Variants in LRRC4C observed in about 807,000 individuals in gnomAD.
The protein encoded by LRRC4C is leucine rich repeat containing 4C.
A neutral mutation model predicts 33.6 loss-of-function variants in LRRC4C; 5 were observed. That is an observed-to-expected ratio of 0.15 (90% CI 0.08 to 0.31). The LOEUF (loss-of-function observed/expected upper bound fraction) is 0.31, where lower values mean the gene tolerates loss of function less well. LRRC4C is among the 10% of genes least tolerant of loss of function. The pLI, the probability that LRRC4C is intolerant of heterozygous loss-of-function variation, is 1.00. For missense variants in LRRC4C, 560 were observed against 796.7 expected, an observed-to-expected ratio of 0.70 and a Z score of 3.58; for synonymous variants, 329 against 302.0, an observed-to-expected ratio of 1.09 and a Z score of -0.93.
chr11:40,818,775 T>C (rs1452692311), intron 2 of LRRC4C, among the ~76,000 whole-genome samples: 1 of 152,042 alleles, frequency 6.6e-6, no homozygotes, highest in Non-Finnish European at 1.5e-5. Flanking sequence ...ACATACTAAA[T>C]TAAGGAATCA....
chr11:41,155,250 T>G (rs1441502686), intron 1 of LRRC4C, among the ~76,000 whole-genome samples: 1 of 152,086 alleles, frequency 6.6e-6, no homozygotes, highest in Non-Finnish European at 1.5e-5. Flanking sequence ...TCAGGAGCAG[T>G]CATAGCCCCA....
intron 1 of LRRC4C, among the ~76,000 whole-genome samples, chr11:41,120,308 A>T (rs189457749): frequency 5.9e-5 from 9 of 152,248 alleles, no homozygotes; most frequent in Admixed American, 1.3e-4. Flanking sequence ...ACAAATATCT[A>T]TTGAGTTCCA....
chr11:40,470,144 A>G (rs561103174), intron 3 of LRRC4C, among the ~76,000 whole-genome samples: 1 of 152,174 alleles, frequency 6.6e-6, no homozygotes, highest in East Asian at 1.9e-4. Context: ...ACTGGTTGGC[A>G]TCTGGTGGGT....
chr11:41,059,345 A>T (rs918584880), intron 1 of LRRC4C, among the ~76,000 whole-genome samples: 4 of 151,934 alleles, frequency 2.6e-5, no homozygotes, highest in Non-Finnish European at 4.4e-5. Flanking sequence ...AAAGATAAAC[A>T]CAGAGAAACT....
chr11:40,337,839 C>G (rs1946697409), intron 3 of LRRC4C, among the ~76,000 whole-genome samples: 2 of 152,270 alleles, frequency 1.3e-5, no homozygotes, highest in African/African-American at 4.8e-5. Flanking sequence ...TTCCCCTTCT[C>G]CACCCTCTGA....
In LRRC4C at chr11:41,306,488, A is replaced by C. The variant is rs556846814; in HGVS notation, c.-496+152943T>G. Among the ~76,000 whole-genome samples, 3 of 152,364 alleles carry C rather than the reference A, an allele frequency of 2.0e-5. No individual in the cohort carries two copies. In the South Asian group the frequency reaches 6.2e-4, roughly 32 times the overall value. On this transcript the variant is annotated intron_variant, in intron 1 of 6. Coordinates refer to ENST00000528697, the MANE Select transcript of LRRC4C (RefSeq NM_001258419.2). ...TGTAAAGAGTGGCAGTCTGTGAATT[A>C]GTCATTCTTTCCCTCAAGAAATACA...
chr11:40,916,836 A>G (rs1046190974), intron 2 of LRRC4C, among the ~76,000 whole-genome samples: 1 of 152,074 alleles, frequency 6.6e-6, no homozygotes, highest in African/African-American at 2.4e-5. Flanking sequence ...GTTTATATTT[A>G]TGGATTTACA....
intron 3 of LRRC4C, among the ~76,000 whole-genome samples, chr11:40,444,156 TGAA>T (rs1951520099): frequency 1.3e-5 from 2 of 152,042 alleles, no homozygotes; most frequent in African/African-American, 4.8e-5. Context: ...TCTGTCCACA[TGAA>T]GAAGTAGTAC....
intron 4 of LRRC4C, among the ~76,000 whole-genome samples, chr11:40,263,039 T>C (rs911386893): frequency 2.6e-5 from 4 of 151,854 alleles, no homozygotes; most frequent in Non-Finnish European, 5.9e-5. Flanking sequence ...ATATACTCAA[T>C]AGATTTAGCT....
At chr11:40,463,338 G>GTT (rs1169094888) in intron 3 of LRRC4C, among the ~76,000 whole-genome samples, 1 of 150,846 alleles carries the variant, frequency 6.6e-6, no homozygotes, top group Non-Finnish European at 1.5e-5. Context: ...GTGTGTGTGT[G>GTT]TGTGTGGTTA....
chr11:41,184,493 A>T (rs1022021540), intron 1 of LRRC4C, among the ~76,000 whole-genome samples: 3 of 152,166 alleles, frequency 2.0e-5, no homozygotes, highest in African/African-American at 7.2e-5. Context: ...ACATAACAAG[A>T]GTCACTTTTG....
At chr11:41,440,544 T>A (rs531502680) in intron 1 of LRRC4C, among the ~76,000 whole-genome samples, 2 of 151,658 alleles carry the variant, frequency 1.3e-5, no homozygotes, top group East Asian at 3.9e-4. Flanking sequence ...ACTACATATG[T>A]TTTTTTTAAA....
At chr11:41,184,729 C>T (rs117955505) in intron 1 of LRRC4C, among the ~76,000 whole-genome samples, 5,045 of 150,924 alleles carry the variant, frequency 0.033, 114 homozygotes, top group East Asian at 0.07. Context: ...ATCTTTTCAG[C>T]AACGTCCCAC....
At chr11:40,738,743 A>T (rs988256887) in intron 2 of LRRC4C, among the ~76,000 whole-genome samples, 2 of 152,070 alleles carry the variant, frequency 1.3e-5, no homozygotes, top group African/African-American at 4.8e-5. Context: ...TCTTAAGACA[A>T]TCACAGCCAG....
chr11:40,185,279 G>A (rs796647998), intron 5 of LRRC4C, among the ~76,000 whole-genome samples: 11 of 152,074 alleles, frequency 7.2e-5, no homozygotes, highest in African/African-American at 2.2e-4. Flanking sequence ...CACCTTGACC[G>A]TACCTACCCC....
At chr11:41,409,838 AT>A (rs1364991586) in intron 1 of LRRC4C, among the ~76,000 whole-genome samples, 15 of 152,220 alleles carry the variant, frequency 9.9e-5, no homozygotes, top group African/African-American at 2.4e-5. Context: ...GCGAAAAAAA[AT>A]GAACTGAATA....
intron 2 of LRRC4C, among the ~76,000 whole-genome samples, chr11:40,691,433 A>G (rs142892466): frequency 6.6e-6 from 1 of 152,252 alleles, no homozygotes; most frequent in Non-Finnish European, 1.5e-5. Flanking sequence ...GTTCTTTCAC[A>G]TAAACCTCAC....
intron 4 of LRRC4C, among the ~76,000 whole-genome samples, chr11:40,255,080 C>T (rs1438356633): frequency 2.0e-5 from 3 of 152,088 alleles, no homozygotes; most frequent in African/African-American, 7.2e-5. Flanking sequence ...GGATTACAAG[C>T]GTGAGTCACC....
At position 40,500,291 on chromosome 11, in the gene LRRC4C, TATACACACACAC is replaced by T. The variant is rs1202451732; in HGVS notation, c.-270+147839_-270+147850del. ...TGTCTGATATATATATATATATATA[TATACACACACAC>T]ACACACACACACACACACACACACA... On this transcript the variant is annotated intron_variant, in intron 3 of 6. Coordinates refer to ENST00000528697, the MANE Select transcript of LRRC4C (RefSeq NM_001258419.2). Among the ~76,000 whole-genome samples, 174 of 62,766 alleles carry T rather than the reference TATACACACACAC, an allele frequency of 2.8e-3. 1 individual carries two copies. Among genetic ancestry groups the T allele is most frequent in the African/African-American group, 8.8e-3 (150 of 17,076 alleles). The allele number at this position is 62,766 out of a possible 152,430, so 41.2% of individuals were successfully genotyped here.
Sources: allele counts gnomAD v4.1 joint callset (sites outside exome capture counted in the v4.1 genomes callset), GRCh38; gene constraint gnomAD v4.1.1; transcripts MANE v1.5; gene names NCBI Gene and HGNC (gene_info 2026-07-23, HGNC 2026-07-21).